Variants in SRPK2 observed in about 807,000 individuals in gnomAD.
SRPK2 encodes SRSF protein kinase 2.
In SRPK2, 21 loss-of-function variants were observed where a neutral mutation model predicts 90.8. That is an observed-to-expected ratio of 0.23 (90% CI 0.16 to 0.33). The LOEUF (loss-of-function observed/expected upper bound fraction) is 0.33. Ranked by LOEUF, SRPK2 falls within the 10% of genes least tolerant of loss-of-function variation. The pLI, the probability that SRPK2 is intolerant of heterozygous loss-of-function variation, is 1.00. For missense variants in SRPK2, 620 were observed against 869.0 expected (o/e 0.71, Z 3.60); for synonymous variants, 288 against 311.1 (o/e 0.93, Z 0.78).
intron 3 of SRPK2, among the ~76,000 whole-genome samples, chr7:105,177,568 T>A (rs1217348982): frequency 1.3e-5 from 2 of 152,138 alleles, no homozygotes; most frequent in Admixed American, 6.5e-5. Context: ...AAATGATGTG[T>A]CAATGGAGGT....
chr7:105,271,984 T>C (rs568667393), intron 2 of SRPK2, among the ~76,000 whole-genome samples: 43 of 152,338 alleles, frequency 2.8e-4, no homozygotes, highest in African/African-American at 9.1e-4. Context: ...TTTCCTCTAA[T>C]ATGCTTTATA....
At chr7:105,313,626 C>G (rs1175995305) in intron 2 of SRPK2, among the ~76,000 whole-genome samples, 2 of 151,934 alleles carry the variant, frequency 1.3e-5, no homozygotes, top group African/African-American at 4.8e-5. Context: ...CGTCGTGGAC[C>G]TGTAATCCCA....
intron 2 of SRPK2, among the ~76,000 whole-genome samples, chr7:105,318,676 A>G (rs1159983452): frequency 6.6e-6 from 1 of 152,188 alleles, no homozygotes; most frequent in Non-Finnish European, 1.5e-5. Flanking sequence ...TTCACTGTCA[A>G]TATTCTAGCT....
At chr7:105,124,550 AG>A (rs1800862407) in intron 15 of SRPK2, among the ~76,000 whole-genome samples, 1 of 147,382 alleles carries the variant, frequency 6.8e-6, no homozygotes, top group Non-Finnish European at 1.5e-5. Flanking sequence ...TTGAGGCAGG[AG>A]AATCACTTGA....
chr7:105,198,161 T>C (rs934482244), intron 3 of SRPK2, among the ~76,000 whole-genome samples: 6 of 152,234 alleles, frequency 3.9e-5, no homozygotes, highest in Non-Finnish European at 7.3e-5. Context: ...GTGTTCAATG[T>C]GCAGAAAAAT....
At chr7:105,394,145 C>CTTTCTTTCTT (rs1554534857), upstream of SRPK2, among the ~76,000 whole-genome samples, 1 of 139,942 alleles carries the variant, frequency 7.1e-6, no homozygotes, top group East Asian at 2.1e-4. Context: ...TTCTTTCTTT[C>CTTTCTTTCTT]TTTTTTTTTT....
chr7:105,370,749 G>A (rs1045305294), intron 2 of SRPK2, among the ~76,000 whole-genome samples: 4 of 151,032 alleles, frequency 2.6e-5, no homozygotes, highest in Admixed American at 6.6e-5. Flanking sequence ...CCAAGTAGCT[G>A]GGACTATAGG....
intron 2 of SRPK2, among the ~76,000 whole-genome samples, chr7:105,373,794 T>G (rs1050278646): frequency 3.9e-5 from 6 of 152,164 alleles, no homozygotes; most frequent in African/African-American, 1.2e-4. Context: ...CGTAAGTGCT[T>G]TAAATGTCTC....
At chr7:105,140,045 T>G (rs1452740302) in intron 11 of SRPK2, among the ~76,000 whole-genome samples, 1 of 152,212 alleles carries the variant, frequency 6.6e-6, no homozygotes, top group African/African-American at 2.4e-5. Flanking sequence ...GATCTCTAGT[T>G]ATTTATAATA....
At chr7:105,174,619 G>C (rs1321281877) in intron 3 of SRPK2, among the ~76,000 whole-genome samples, 1 of 151,992 alleles carries the variant, frequency 6.6e-6, no homozygotes, top group African/African-American at 2.4e-5. Context: ...ATAACATAAA[G>C]ACACATTCTG....
chr7:105,199,956 T>C (rs1173656293), intron 3 of SRPK2, among the ~76,000 whole-genome samples: 1 of 147,874 alleles, frequency 6.8e-6, no homozygotes, highest in African/African-American at 2.5e-5. Flanking sequence ...AGGGCTGGGA[T>C]AGGAAAAACA....
At chr7:105,358,847 A>C (rs1192140550) in intron 2 of SRPK2, among the ~76,000 whole-genome samples, 2 of 152,076 alleles carry the variant, frequency 1.3e-5, no homozygotes. Flanking sequence ...GCTGTACAAC[A>C]AGCATGGCAC....
rs1249961706 is a variant in SRPK2, at chr7:105,159,465, A to AC, written c.621+1041_621+1042insG. On this transcript the variant is annotated intron_variant, in intron 7 of 15. Transcript: ENST00000393651. Reference sequence around the variant, plus strand: ...TCCGTCTCCAAAAAAAAAAAAAAAAAAAAAAAAACCGTACAAAAGGAAGAA... The same window carrying AC: ...TCCGTCTCCAAAAAAAAAAAAAAAAACAAAAAAAACCGTACAAAAGGAAGAA... Among the ~76,000 whole-genome samples the AC allele has an allele frequency of 2.7e-4, 39 of 142,892 alleles. 1 individual carries two copies. Among genetic ancestry groups the AC allele is most frequent in the African/African-American group, 8.3e-4 (29 of 35,082 alleles). The allele number at this position is 142,892 out of a possible 152,430, so 93.7% of individuals were successfully genotyped here.
intron 3 of SRPK2, among the ~76,000 whole-genome samples, chr7:105,192,963 T>C (rs956329292): frequency 2.2e-4 from 33 of 152,316 alleles, no homozygotes; most frequent in Middle Eastern, 3.4e-3. Context: ...GTATAGATTG[T>C]GAAGATTTTC....
upstream of SRPK2, among the ~76,000 whole-genome samples, chr7:105,392,037 A>G (rs572351047): frequency 2.0e-5 from 3 of 152,262 alleles, no homozygotes; most frequent in African/African-American, 7.2e-5. Context: ...AGAATTTAGT[A>G]CTGACACATG....
At chr7:105,156,798 C>T (rs1806565288) in intron 7 of SRPK2, among the ~76,000 whole-genome samples, 3 of 152,182 alleles carry the variant, frequency 2.0e-5, no homozygotes, top group African/African-American at 7.2e-5. Flanking sequence ...GCCACCACGC[C>T]TGGCTGGTAT....
intron 7 of SRPK2, among the ~76,000 whole-genome samples, chr7:105,148,693 A>G (rs1232719045): frequency 6.6e-6 from 1 of 152,232 alleles, no homozygotes; most frequent in African/African-American, 2.4e-5. Context: ...AAGGAAAGAC[A>G]TAAGAGACTC....
intron 2 of SRPK2, among the ~76,000 whole-genome samples, chr7:105,331,087 A>T (rs1006053793): frequency 6.6e-6 from 1 of 152,042 alleles, no homozygotes; most frequent in Non-Finnish European, 1.5e-5. Context: ...GGTTCACTTG[A>T]GGTCAGGAGT....
intron 2 of SRPK2, among the ~76,000 whole-genome samples, chr7:105,357,331 G>A (rs1272743699): frequency 1.3e-5 from 2 of 152,090 alleles, no homozygotes; most frequent in Non-Finnish European, 2.9e-5. Flanking sequence ...GAGCCACTGC[G>A]CCCAGCCAAA....
Sources: gnomAD v4.1 joint callset for allele counts (sites outside exome capture counted in the v4.1 genomes callset) on GRCh38, gnomAD v4.1.1 for gene constraint, MANE v1.5 for transcripts, NCBI Gene and HGNC (gene_info 2026-07-23, HGNC 2026-07-21) for gene names.